The following DGKI variants were observed in gnomAD, a reference collection of about 807,000 sequenced individuals.
DGKI encodes diacylglycerol kinase iota.
Under a neutral mutation model 147.5 loss-of-function variants are expected in DGKI, and 55 were observed. The ratio of observed to expected loss-of-function variants is 0.37; its 90% CI spans 0.30 to 0.47. The LOEUF is 0.47. Among genes scored for constraint, DGKI ranks in the 20% least tolerant of loss-of-function variants. DGKI has a pLI of 1.00. For missense variants in DGKI, 1,007 were observed against 1,323.8 expected (o/e 0.76, Z 3.71); for synonymous variants, 469 against 477.1 (o/e 0.98, Z 0.22).
At chr7:137,793,228 C>G (rs766011626) in intron 1 of DGKI, among the ~76,000 whole-genome samples, 1 of 151,898 alleles carries the variant, frequency 6.6e-6, no homozygotes, top group African/African-American at 2.4e-5. Context: ...CTCTAGATAA[C>G]GAAAAAAAGC....
At chr7:137,484,637 G>A (rs1329701742) in intron 23 of DGKI, among the ~76,000 whole-genome samples, 1 of 152,036 alleles carries the variant, frequency 6.6e-6, no homozygotes, top group Non-Finnish European at 1.5e-5. Flanking sequence ...TAATGCATAA[G>A]AGGATGGCTG....
chr7:137,694,411 C>T (rs995064616), intron 1 of DGKI, among the ~76,000 whole-genome samples: 1 of 152,104 alleles, frequency 6.6e-6, no homozygotes, highest in Non-Finnish European at 1.5e-5. Flanking sequence ...TCTCAATTTC[C>T]TCTGGTTCCA....
intron 1 of DGKI, among the ~76,000 whole-genome samples, chr7:137,742,999 A>G (rs1795223814): frequency 6.6e-6 from 1 of 152,240 alleles, no homozygotes; most frequent in Non-Finnish European, 1.5e-5. Flanking sequence ...CACATAAAAT[A>G]GACTTTAAAC....
intron 28 of DGKI, among the ~76,000 whole-genome samples, chr7:137,426,415 G>C (rs1003389202): frequency 1.3e-5 from 2 of 152,114 alleles, no homozygotes; most frequent in African/African-American, 4.8e-5. Flanking sequence ...AACATAGAAA[G>C]GAACAACCGG....
chr7:137,732,142 A>C (rs1420011337), intron 1 of DGKI, among the ~76,000 whole-genome samples: 2 of 152,114 alleles, frequency 1.3e-5, no homozygotes, highest in African/African-American at 4.8e-5. Flanking sequence ...CTAGTAGACC[A>C]AATAGTGATC....
intron 23 of DGKI, among the ~76,000 whole-genome samples, chr7:137,470,648 G>A (rs1195586278): frequency 3.3e-5 from 5 of 152,050 alleles, no homozygotes; most frequent in African/African-American, 9.7e-5. Context: ...GCTCACCATA[G>A]CCTCAGTTTC....
intron 1 of DGKI, among the ~76,000 whole-genome samples, chr7:137,767,696 A>G (rs1796064208): frequency 6.6e-6 from 1 of 152,184 alleles, no homozygotes; most frequent in Non-Finnish European, 1.5e-5. Context: ...TAGACTCTGG[A>G]GCCTCGTTTA....
Position 137,656,501 on chromosome 7 carries a change from C to T in DGKI, c.646G>A (p.Val216Ile), listed in dbSNP as rs1822228791. The T allele has an allele frequency of 6.2e-7, 1 of 1,613,964 alleles. No individual in the cohort carries two copies. The highest frequency in any genetic ancestry group is 8.5e-7 in the Non-Finnish European group (1 of 1,179,974). The change falls in exon 4 of 33, where the codon GTC becomes ATC. Residue 216 changes from valine to isoleucine, a missense_variant. Physicochemically the swap from Val to Ile is conservative, Grantham distance 29. Transcript: ENST00000614521. Reference protein sequence around the residue: ...LRRKCAVCKIVVHTACIEQLE... With the variant: ...LRRKCAVCKIIVHTACIEQLE... ...TGCTCAATGCAGGCGGTGTGGACGA[C>T]GATTTTACAGACTGCACACTTCCTC... is the stretch of plus-strand genomic sequence containing the variant.
chr7:137,517,331 G>GAAAGAAAGAA (rs1816806585), intron 21 of DGKI, among the ~76,000 whole-genome samples: 3 of 110,622 alleles, frequency 2.7e-5, no homozygotes, highest in African/African-American at 1.0e-4. Context: ...AAGAAAGAAA[G>GAAAGAAAGAA]AAAGAAAGAG....
At chr7:137,843,945 C>G (rs1398480117) in intron 1 of DGKI, among the ~76,000 whole-genome samples, 1 of 152,288 alleles carries the variant, frequency 6.6e-6, no homozygotes, top group East Asian at 1.9e-4. Flanking sequence ...GCTCCATACC[C>G]TAACTCAGTC....
chr7:137,600,523 A>G (rs905847185), intron 10 of DGKI, among the ~76,000 whole-genome samples: 1 of 152,162 alleles, frequency 6.6e-6, no homozygotes, highest in African/African-American at 2.4e-5. Flanking sequence ...GAAGTACATC[A>G]CAGTGTTTAA....
chr7:137,638,489 C>T (rs1187217492), intron 6 of DGKI, among the ~76,000 whole-genome samples: 2 of 120,366 alleles, frequency 1.7e-5, no homozygotes, highest in Non-Finnish European at 3.3e-5. Context: ...TATATATATA[C>T]ACACATATAT....
At chr7:137,396,652 C>G (rs1811565070) in intron 31 of DGKI, among the ~76,000 whole-genome samples, 1 of 152,168 alleles carries the variant, frequency 6.6e-6, no homozygotes. Flanking sequence ...TCTACTTCTC[C>G]TCCTTCCCAC....
At chr7:137,467,019 A>G (rs932110784) in intron 24 of DGKI, 77 bp from the exon 25 acceptor site, 20 of 1,441,616 alleles carry the variant, frequency 1.4e-5, no homozygotes, top group Non-Finnish European at 1.7e-5. Context: ...CTCTTCGACT[A>G]TGCTGGTCAA....
intron 21 of DGKI, among the ~76,000 whole-genome samples, chr7:137,510,010 G>A (rs1239212400): frequency 6.6e-6 from 1 of 152,210 alleles, no homozygotes; most frequent in Non-Finnish European, 1.5e-5. Flanking sequence ...TTGTCAGGTG[G>A]AGCATGAGAT....
chr7:137,497,943 C>T lies in DGKI; in HGVS notation c.2249-10254G>A, dbSNP rs117702130. On this transcript the variant is annotated intron_variant, in intron 21 of 32. Coordinates refer to ENST00000614521, the MANE Select transcript of DGKI (RefSeq NM_001321708.2). ...CCTGTATAATAAACCTGCACATATA[C>T]CCCTGAATCTAAAAGTTTTTTTAAA... is the stretch of plus-strand genomic sequence containing the variant. Among the ~76,000 whole-genome samples, 7 of 152,126 alleles carry T rather than the reference C, an allele frequency of 4.6e-5. No individual in the cohort carries two copies. The East Asian group carries it at 5.8e-4, about 13-fold the overall frequency.
chr7:137,684,053 G>A (rs1823332650), intron 2 of DGKI, among the ~76,000 whole-genome samples: 1 of 152,174 alleles, frequency 6.6e-6, no homozygotes, highest in African/African-American at 2.4e-5. Flanking sequence ...AAAATGTTTT[G>A]AAACAATGAG....
At chr7:137,491,956 T>C (rs1815778587) in intron 21 of DGKI, among the ~76,000 whole-genome samples, 2 of 152,084 alleles carry the variant, frequency 1.3e-5, no homozygotes, top group Non-Finnish European at 1.5e-5. Flanking sequence ...GGTAGAGAAA[T>C]CCCTAGATGA....
chr7:137,717,180 G>A (rs967340767), intron 1 of DGKI, among the ~76,000 whole-genome samples: 2 of 152,184 alleles, frequency 1.3e-5, no homozygotes, highest in African/African-American at 4.8e-5. Context: ...ATGTTGCCCT[G>A]TACACAGGAA....
Sources: gnomAD v4.1 joint callset for allele counts (sites outside exome capture counted in the v4.1 genomes callset) on GRCh38, gnomAD v4.1.1 for gene constraint, MANE v1.5 for transcripts, NCBI Gene and HGNC (gene_info 2026-07-23, HGNC 2026-07-21) for gene names.